PDLIM5: variants seen among roughly 807,000 people sequenced by gnomAD.
The protein encoded by PDLIM5 is PDZ and LIM domain 5.
PDLIM5 carries 34 observed loss-of-function variants against 64.2 expected under a neutral mutation model. That is an observed-to-expected ratio of 0.53 (90% CI 0.40 to 0.71). PDLIM5 has a LOEUF of 0.71. Ranked by LOEUF, PDLIM5 falls within the 30% of genes least tolerant of loss-of-function variation. The probability of loss-of-function intolerance (pLI) is 0.00; values close to 1 mark genes in which losing one functional copy is unlikely to be tolerated. For synonymous variants in PDLIM5, 253 were observed against 269.1 expected (o/e 0.94, Z 0.59); for missense variants, 683 against 733.6 (o/e 0.93, Z 0.80).
intron 3 of PDLIM5, among the ~76,000 whole-genome samples, chr4:94,572,707 CTG>C: frequency 6.6e-6 from 1 of 152,326 alleles, no homozygotes; most frequent in South Asian, 2.1e-4. Flanking sequence ...ATTCCAGACA[CTG>C]TGCTGATACA....
chr4:94,557,181 G>GT (rs1733415559), intron 3 of PDLIM5, among the ~76,000 whole-genome samples: 1 of 152,086 alleles, frequency 6.6e-6, no homozygotes. Flanking sequence ...CCCATTTCTT[G>GT]TTTTTGTCAT....
At position 94,657,545 on chromosome 4, in the gene PDLIM5, C is replaced by T; in HGVS notation, c.1583C>T (p.Thr528Ile). 2 of 1,608,390 alleles carry T rather than the reference C, an allele frequency of 1.2e-6. No individual in the cohort carries two copies. The highest frequency in any genetic ancestry group is 1.7e-6 in the Non-Finnish European group (2 of 1,175,926). The change falls in exon 11 of 13, where the codon ACT (threonine) becomes ATT (isoleucine). Residue 528 changes from threonine (T) to isoleucine (I), a missense_variant and splice_region_variant. Transcript: ENST00000317968. The stretch of plus-strand genomic sequence containing the variant: ...GAGGATGGTGAACCCTACTGTGAGA[C>T]TGGTAAGATCAGGGAGCCATTTGTT... Reference protein sequence around the residue: ...HLEDGEPYCETDYYALFGTIC... With the variant: ...HLEDGEPYCEIDYYALFGTIC...
At chr4:94,521,997 A>T (rs1358929775) in intron 2 of PDLIM5, among the ~76,000 whole-genome samples, 3 of 152,162 alleles carry the variant, frequency 2.0e-5, no homozygotes, top group African/African-American at 7.2e-5. Context: ...GAAGTCTTCC[A>T]GATTTGACTT....
At chr4:94,594,287 T>A (rs1578438255) in intron 7 of PDLIM5, among the ~76,000 whole-genome samples, 1 of 152,126 alleles carries the variant, frequency 6.6e-6, no homozygotes, top group Non-Finnish European at 1.5e-5. Flanking sequence ...AATGTCTTCC[T>A]TTGTGTTTTT....
chr4:94,577,281 G>C (rs1735353881), intron 5 of PDLIM5: 1 of 456,588 alleles, frequency 2.2e-6, no homozygotes, highest in Admixed American at 2.4e-5. Flanking sequence ...CCTTCTGAAT[G>C]TTAATTCCTG....
Position 94,631,118 on chromosome 4 carries a change from G to A in PDLIM5, c.1109-9158G>A, listed in dbSNP as rs192552247. Among the ~76,000 whole-genome samples, 33 of 150,268 alleles carry A rather than the reference G, an allele frequency of 2.2e-4. No homozygotes were observed. In the East Asian group the frequency reaches 4.7e-3, roughly 21 times the overall value. On this transcript the variant is annotated intron_variant, in intron 8 of 12. Coordinates refer to ENST00000317968, the MANE Select transcript of PDLIM5 (RefSeq NM_006457.5). ...GGGTCTCACTGTGTTGCCCAGGCTG[G>A]TCTCAAACTCCTAGCCTCAAGTGAG... is the stretch of plus-strand genomic sequence containing the variant.
At chr4:94,512,948 A>G (rs944195108) in intron 2 of PDLIM5, among the ~76,000 whole-genome samples, 3 of 152,328 alleles carry the variant, frequency 2.0e-5, no homozygotes, top group Admixed American at 1.3e-4. Context: ...ATTCTTCTGC[A>G]TATGGATGTT....
intron 2 of PDLIM5, among the ~76,000 whole-genome samples, chr4:94,469,823 A>T (rs1724690204): frequency 6.6e-6 from 1 of 152,148 alleles, no homozygotes; most frequent in Non-Finnish European, 1.5e-5. Context: ...TAGCCTTCTG[A>T]GGTGACTATT....
chr4:94,577,384 A>AGAGG, intron 5 of PDLIM5: 1 of 456,500 alleles, frequency 2.2e-6, no homozygotes, highest in Non-Finnish European at 4.4e-6. Flanking sequence ...TGCTGCTGAG[A>AGAGG]GAGGGAGAGC....
At chr4:94,523,384 C>T (rs1200218482) in intron 2 of PDLIM5, among the ~76,000 whole-genome samples, 1 of 152,104 alleles carries the variant, frequency 6.6e-6, no homozygotes, top group Non-Finnish European at 1.5e-5. Flanking sequence ...TCTTTTTATT[C>T]TGCTAAAATG....
In PDLIM5 at chr4:94,665,553, T is replaced by C; in HGVS notation, c.*1486T>C. ...AAAGAATGTGGCTGGGAATTGTGAA[T>C]CAGAAGATTATACCCCCCAATTGTT... On this transcript the variant is annotated 3_prime_UTR_variant, in exon 13 of 13. Coordinates refer to ENST00000317968, the MANE Select transcript of PDLIM5 (RefSeq NM_006457.5). 1.1e-6 allele frequency: 1 copy of C among 898,968 alleles called. No homozygotes were observed. Among genetic ancestry groups the C allele is most frequent in the Non-Finnish European group, 1.3e-6 (1 of 765,890 alleles). The allele number at this position is 898,968 out of a possible 1,614,324, so 55.7% of individuals were successfully genotyped here.
At chr4:94,590,682 G>A (rs891147534) in intron 7 of PDLIM5, among the ~76,000 whole-genome samples, 1 of 152,146 alleles carries the variant, frequency 6.6e-6, no homozygotes, top group African/African-American at 2.4e-5. Flanking sequence ...CTTGAGGGTG[G>A]GGAGACAAGT....
intron 2 of PDLIM5, among the ~76,000 whole-genome samples, chr4:94,505,733 A>G (rs1483238349): frequency 1.3e-5 from 2 of 152,202 alleles, no homozygotes; most frequent in Non-Finnish European, 2.9e-5. Flanking sequence ...GAACAGCCAG[A>G]TGGGAGAGAT....
At chr4:94,542,822 ATAAAT>A (rs771546231) in intron 3 of PDLIM5, among the ~76,000 whole-genome samples, 10 of 152,196 alleles carry the variant, frequency 6.6e-5, no homozygotes, top group Non-Finnish European at 1.5e-4. Flanking sequence ...AATTAGTAAA[ATAAAT>A]GAGAAAAATT....
intron 2 of PDLIM5, among the ~76,000 whole-genome samples, chr4:94,502,890 A>G (rs1728056957): frequency 6.6e-6 from 1 of 152,144 alleles, no homozygotes; most frequent in Non-Finnish European, 1.5e-5. Context: ...AAAAGAAAAA[A>G]AAAAGTTAAT....
rs936339192 is a variant in PDLIM5 at position 94,587,434 on chromosome 4, C to A, written c.920+990C>A. On this transcript the variant is annotated intron_variant, in intron 7 of 12. Coordinates refer to ENST00000317968, the MANE Select transcript of PDLIM5 (RefSeq NM_006457.5). ...GTTGGTTGAAGCAGAGGATAATGAG[C>A]AAATAAAGTCCTTGTCTAATTTGGA... is the stretch of plus-strand genomic sequence containing the variant. 4 of 985,368 alleles carry A rather than the reference C, an allele frequency of 4.1e-6. No homozygotes were observed. The African/African-American group carries it at 7.0e-5, about 17-fold the overall frequency. The allele number at this position is 985,368 out of a possible 1,614,324, so 61.0% of individuals were successfully genotyped here.
chr4:94,456,442 C>T (rs1163089874), intron 2 of PDLIM5: 1 of 697,104 alleles, frequency 1.4e-6, no homozygotes, highest in African/African-American at 1.8e-5. Flanking sequence ...AGGTGATCTG[C>T]CCACCTCGGC....
chr4:94,643,302 A>C (rs1307241934), intron 9 of PDLIM5, among the ~76,000 whole-genome samples: 1 of 152,206 alleles, frequency 6.6e-6, no homozygotes, highest in Non-Finnish European at 1.5e-5. Context: ...AGGAAGTTAC[A>C]TTTTAGGAAC....
At chr4:94,481,722 C>T (rs1725869371) in intron 2 of PDLIM5, among the ~76,000 whole-genome samples, 1 of 151,756 alleles carries the variant, frequency 6.6e-6, no homozygotes, top group Admixed American at 6.6e-5. Context: ...CATTCTTCTG[C>T]CTCAGTCTCC....
Sources: allele counts gnomAD v4.1 joint callset (sites outside exome capture counted in the v4.1 genomes callset), GRCh38; gene constraint gnomAD v4.1.1; transcripts MANE v1.5; gene names NCBI Gene and HGNC (gene_info 2026-07-23, HGNC 2026-07-21).